THEMIS2: variants seen among roughly 807,000 people sequenced by gnomAD.
THEMIS2 encodes the protein thymocyte selection associated family member 2.
In THEMIS2, 29 loss-of-function variants were observed where a neutral mutation model predicts 46.8. That is an observed-to-expected ratio of 0.62 (90% CI 0.46 to 0.84). The LOEUF (loss-of-function observed/expected upper bound fraction) is 0.84, where lower values mean the gene tolerates loss of function less well. Among genes scored for constraint, THEMIS2 ranks in the 40% least tolerant of loss-of-function variants. The pLI, the probability that THEMIS2 is intolerant of heterozygous loss-of-function variation, is 0.00. For synonymous variants in THEMIS2, 335 were observed against 349.1 expected (o/e 0.96, Z 0.45); for missense variants, 698 against 834.7 (o/e 0.84, Z 2.02).
intron 4 of THEMIS2, chr1:27,884,285 C>T (rs945243868): frequency 3.9e-5 from 6 of 152,252 alleles, no homozygotes; most frequent in African/African-American, 7.2e-5. Flanking sequence ...TTCTAACTAC[C>T]GTGGTCTGCT....
chr1:27,885,753 G>C, intron 5 of THEMIS2, 114 bp from the exon 6 acceptor site: 1 of 1,052,952 alleles, frequency 9.5e-7, no homozygotes, highest in Non-Finnish European at 1.4e-6. Context: ...GGCTAGCAAA[G>C]ACCGTAGGGC....
rs543343886 is a variant in THEMIS2 at position 27,885,103 on chromosome 1, T to C, written c.1720-192T>C. The C allele has an allele frequency of 2.6e-5, 15 of 572,860 alleles. No individual in the cohort carries two copies. In the East Asian group the frequency reaches 4.4e-4, roughly 17 times the overall value. The allele number at this position is 572,860 out of a possible 1,614,324, so 35.5% of individuals were successfully genotyped here. ...ACCCTATCCTCATTTTCTACCCTGATCCCTTTCTCCCTTGCCAGAGAATAT... is the reference window on the plus strand; with the variant it reads ...ACCCTATCCTCATTTTCTACCCTGACCCCTTTCTCCCTTGCCAGAGAATAT... On this transcript the variant is annotated intron_variant, in intron 4 of 5. Transcript: ENST00000373921.
chr1:27,881,758 G>A (rs534435589), intron 3 of THEMIS2, among the ~76,000 whole-genome samples: 24 of 152,020 alleles, frequency 1.6e-4, no homozygotes, highest in Non-Finnish European at 2.8e-4. Context: ...AATCTGGGAG[G>A]TGGAGGTTGC....
Position 27,876,585 on chromosome 1 carries a change from C to T in THEMIS2, c.95-3C>T. 6.2e-7 allele frequency: 1 copy of T among 1,613,356 alleles called. No homozygotes were observed. Among genetic ancestry groups the T allele is most frequent in the Non-Finnish European group, 8.5e-7 (1 of 1,179,606 alleles). On this transcript the variant is annotated splice_region_variant and splice_polypyrimidine_tract_variant and intron_variant, in intron 1 of 5. Transcript: ENST00000373921. ...TGGGGAAATGGAGTCCTTGTCTCCG[C>T]AGGCTCCATCTATGAGATCTCTGGG...
In THEMIS2 at chr1:27,872,579, C is replaced by T. The variant is rs946268637; in HGVS notation, c.8C>T (p.Pro3Leu). The change falls in exon 1 of 6, where the codon CCG becomes CTG. Residue 3 changes from proline to leucine, a missense_variant. Coordinates refer to ENST00000373921, the MANE Select transcript of THEMIS2 (RefSeq NM_001105556.3). This position sits in a 1 kb window ranked among gnomAD's most constrained non-coding sequence, Gnocchi z 4.9. ME[P>L]VPLQDFVRAL... ...CAGAGAGCCGCGGGGACCATGGAGC[C>T]GGTGCCGCTGCAGGACTTCGTGCGC... 4.7e-6 allele frequency: 7 copies of T among 1,489,632 alleles called. No individual in the cohort carries two copies. The highest frequency in any genetic ancestry group is 1.2e-5 in the South Asian group (1 of 80,286). 92.3% of individuals were successfully genotyped at this position (1,489,632 alleles called of 1,614,324 possible).
chr1:27,885,304 G>A lies in THEMIS2; in HGVS notation c.1729G>A (p.Val577Ile), dbSNP rs751933529. Reference sequence around the variant, plus strand: ...GCTTTTTCTCCCAAAGTCTTCTCAAGTCTTAGGATTGCAGCAACACGCTCG... The same window carrying A: ...GCTTTTTCTCCCAAAGTCTTCTCAAATCTTAGGATTGCAGCAACACGCTCG... ...SSEGGVKSSQ[V>I]LGLQQHARLP... The change falls in exon 5 of 6, where the codon GTC becomes ATC. Residue 577 changes from valine to isoleucine, a missense_variant. Physicochemically the swap from Val to Ile is conservative, Grantham distance 29. Transcript: ENST00000373921. 3 of 1,614,040 alleles carry A rather than the reference G, an allele frequency of 1.9e-6. No homozygotes were observed. The highest frequency in any genetic ancestry group is 2.5e-6 in the Non-Finnish European group (3 of 1,179,950).
chr1:27,881,864 A>T, intron 3 of THEMIS2, 107 bp from the exon 4 acceptor site: 1 of 808,078 alleles, frequency 1.2e-6, no homozygotes, highest in Non-Finnish European at 1.9e-6. Flanking sequence ...AAGAAAGAAA[A>T]GACAGCAGCG....
chr1:27,880,039 C>G lies in THEMIS2; in HGVS notation c.631C>G (p.Gln211Glu), dbSNP rs1336748447. ...SLILRPQYEI[Q>E]AIMHMRRTIV... ...GATCCTGCGGCCCCAGTATGAGATC[C>G]AAGCCATCATGCACAGTGAGTTGCC... The change falls in exon 3 of 6, where the codon CAA (glutamine) becomes GAA (glutamate). Residue 211 changes from glutamine (Q) to glutamate (E), a missense_variant. Coordinates refer to ENST00000373921, the MANE Select transcript of THEMIS2 (RefSeq NM_001105556.3). The G allele has an allele frequency of 6.2e-7, 1 of 1,603,052 alleles. No individual in the cohort carries two copies.
chr1:27,877,103 T>A (rs1482332775), intron 2 of THEMIS2, among the ~76,000 whole-genome samples: 1 of 152,088 alleles, frequency 6.6e-6, no homozygotes, highest in Non-Finnish European at 1.5e-5. Flanking sequence ...GGTGCCACCC[T>A]CTCCAGTGGG....
Position 27,879,705 on chromosome 1 carries a change from C to T in THEMIS2, c.297C>T (p.Ala99=), listed in dbSNP as rs1262983273. 2.5e-5 allele frequency: 40 copies of T among 1,613,854 alleles called. No individual in the cohort carries two copies. Among genetic ancestry groups the T allele is most frequent in the Non-Finnish European group, 3.4e-5 (40 of 1,179,920 alleles). The change falls in exon 3 of 6, where the codon GCC becomes GCT. Residue 99 remains alanine (A), a synonymous_variant. Coordinates refer to ENST00000373921, the MANE Select transcript of THEMIS2 (RefSeq NM_001105556.3). ...AAACCCTGGAGGAGCTGGTCTCTGC[C>T]ACAACTCAGAGCTCCAAGCAGCTGC... is the stretch of plus-strand genomic sequence containing the variant. The part of the protein sequence containing the change: ...SYETLEELVS[A]TTQSSKQLPT...
chr1:27,883,314 G>A (rs2089717738), intron 4 of THEMIS2: 1 of 473,980 alleles, frequency 2.1e-6, no homozygotes, highest in Non-Finnish European at 3.8e-6. Flanking sequence ...ACTTGGCCAT[G>A]GACAGTCTAA....
At position 27,882,839 on chromosome 1, in the gene THEMIS2, G is replaced by A; in HGVS notation, c.1515G>A (p.Leu505=). ...GMCFEIPPRW[L]DLTVVKAKGQ... ...GCTTTGAGATCCCTCCCCGGTGGCT[G>A]GACCTGACTGTTGTGAAGGCCAAGG... Residue 505 remains leucine, a synonymous_variant, in exon 4 of 6, where the codon CTG becomes CTA. Coordinates refer to ENST00000373921, the MANE Select transcript of THEMIS2 (RefSeq NM_001105556.3). The surrounding 1 kb of genome is among the most constrained non-coding windows in gnomAD (Gnocchi z 7.6). 1 of 1,613,970 alleles carries A rather than the reference G, an allele frequency of 6.2e-7. No homozygotes were observed. The highest frequency in any genetic ancestry group is 8.5e-7 in the Non-Finnish European group (1 of 1,179,940).
At chr1:27,883,550 G>A (rs1316258705) in intron 4 of THEMIS2, 2 of 155,298 alleles carry the variant, frequency 1.3e-5, no homozygotes, top group African/African-American at 4.8e-5. Flanking sequence ...ATGGCATCCA[G>A]GGTCCTTTAT....
In THEMIS2 at chr1:27,882,848, T is replaced by A; in HGVS notation, c.1524T>A (p.Thr508=). 6.2e-7 allele frequency: 1 copy of A among 1,613,856 alleles called. No homozygotes were observed. Among genetic ancestry groups the A allele is most frequent in the Non-Finnish European group, 8.5e-7 (1 of 1,179,906 alleles). ...FEIPPRWLDL[T]VVKAKGQPDL... is the part of the protein sequence containing the mutation. ...TCCCTCCCCGGTGGCTGGACCTGACTGTTGTGAAGGCCAAGGGGCAGCCAG... is the reference window on the plus strand; with the variant it reads ...TCCCTCCCCGGTGGCTGGACCTGACAGTTGTGAAGGCCAAGGGGCAGCCAG... The change falls in exon 4 of 6, where the codon ACT becomes ACA. Residue 508 remains threonine (T), a synonymous_variant. Coordinates refer to ENST00000373921, the MANE Select transcript of THEMIS2 (RefSeq NM_001105556.3). The surrounding 1 kb of genome is among the most constrained non-coding windows in gnomAD (Gnocchi z 7.6).
Position 27,872,914 on chromosome 1 carries a change from T to G in THEMIS2, c.94+249T>G, listed in dbSNP as rs954782780. 1.3e-5 allele frequency among the ~76,000 whole-genome samples: 2 copies of G among 151,718 alleles called. No individual in the cohort carries two copies. Among genetic ancestry groups the G allele is most frequent in the Non-Finnish European group, 2.9e-5 (2 of 67,938 alleles). ...AGTCAGTGGGTTGAGGCGCGGGAGG[T>G]GGATGCAGCCGGGCCACTCCTAGGT... On this transcript the variant is annotated intron_variant, in intron 1 of 5. Coordinates refer to ENST00000373921, the MANE Select transcript of THEMIS2 (RefSeq NM_001105556.3). This position sits in a 1 kb window ranked among gnomAD's most constrained non-coding sequence, Gnocchi z 4.9.
At chr1:27,885,049 TC>T (rs1430888333) in intron 4 of THEMIS2, 2 of 394,726 alleles carry the variant, frequency 5.1e-6, no homozygotes, top group Non-Finnish European at 9.2e-6. Flanking sequence ...AAGTGGAAAA[TC>T]CCAGGAACAC....
rs776738348 is a variant in THEMIS2 at position 27,882,974 on chromosome 1, C to G, written c.1650C>G (p.Pro550=). 9.3e-6 allele frequency: 15 copies of G among 1,613,636 alleles called. No homozygotes were observed. In the East Asian group the frequency reaches 2.7e-4, roughly 29 times the overall value. Reference sequence around the variant, plus strand: ...TACCAGCCTGTGAGATCCAAGCCCCCCCACCCAGGCCCCCTAAAAATCAGG... The same window carrying G: ...TACCAGCCTGTGAGATCCAAGCCCCGCCACCCAGGCCCCCTAAAAATCAGG... ...RKLPACEIQA[P]PPRPPKNQGL... Residue 550 remains proline (P), a synonymous_variant, in exon 4 of 6, where the codon CCC becomes CCG. Coordinates refer to ENST00000373921, the MANE Select transcript of THEMIS2 (RefSeq NM_001105556.3). The surrounding 1 kb of genome is among the most constrained non-coding windows in gnomAD (Gnocchi z 7.6).
At chr1:27,883,369 A>G (rs576065604) in intron 4 of THEMIS2, 1 of 278,614 alleles carries the variant, frequency 3.6e-6, no homozygotes, top group South Asian at 7.6e-5. Context: ...TGCTGCCTTC[A>G]CTCCCTAGTT....
At chr1:27,881,842 CAA>C (rs371204275) in intron 3 of THEMIS2, 127 bp from the exon 4 acceptor site, 2,216 of 564,672 alleles carry the variant, frequency 3.9e-3, no homozygotes, top group South Asian at 9.1e-3. Flanking sequence ...AACTCCATCT[CAA>C]AAAAAAAAAA....
Sources: allele counts gnomAD v4.1 joint callset (sites outside exome capture counted in the v4.1 genomes callset), GRCh38; gene constraint gnomAD v4.1.1; non-coding constraint Gnocchi (gnomAD v3.1); transcripts MANE v1.5; gene names NCBI Gene and HGNC (gene_info 2026-07-23, HGNC 2026-07-21).